ABCA10: variants seen among roughly 807,000 people sequenced by gnomAD.
ABCA10 encodes ATP-binding cassette sub-family A member 10.
Under a neutral mutation model 187.5 loss-of-function variants are expected in ABCA10, and 169 were observed. The observed-to-expected ratio is 0.90, with a 90% CI of 0.80 to 1.02. ABCA10 has a LOEUF of 1.02. ABCA10 is among the 50% of genes least tolerant of loss of function. The probability of loss-of-function intolerance (pLI) is 0.00; values close to 1 mark genes in which losing one functional copy is unlikely to be tolerated. For missense variants in ABCA10, 1,727 were observed against 1,812.4 expected (o/e 0.95, Z 0.86); for synonymous variants, 574 against 601.8 (o/e 0.95, Z 0.68).
At chr17:69,191,724 C>A (rs2074461734) in intron 16 of ABCA10, among the ~76,000 whole-genome samples, 1 of 152,078 alleles carries the variant, frequency 6.6e-6, no homozygotes, top group African/African-American at 2.4e-5. Context: ...ACATAAAAAA[C>A]AATCATGATA....
intron 25 of ABCA10, among the ~76,000 whole-genome samples, chr17:69,173,056 G>A (rs1232700687): frequency 6.6e-6 from 1 of 152,040 alleles, no homozygotes. Context: ...AAACAAAATA[G>A]TTTCAAACTA....
At chr17:69,214,918 A>ATATATAT (rs1483723695) in intron 8 of ABCA10, 67 bp from the exon 9 acceptor site, 25 of 1,154,260 alleles carry the variant, frequency 2.2e-5, no homozygotes, top group South Asian at 1.7e-4. Flanking sequence ...AATTTTTTTT[A>ATATATAT]AAAAATAGTG....
intron 30 of ABCA10, 99 bp downstream of exon 30, chr17:69,154,920 A>T (rs2074161774): frequency 1.0e-5 from 8 of 771,394 alleles, no homozygotes; most frequent in Non-Finnish European, 1.7e-5. Context: ...ACCAGGATAT[A>T]TGAACAGTCT....
chr17:69,216,023 T>C lies in ABCA10; in HGVS notation c.673-23A>G, dbSNP rs200775457. The C allele has an allele frequency of 9.9e-5, 157 of 1,588,028 alleles. No homozygotes were observed. The African/African-American group carries it at 1.7e-3, about 17-fold the overall frequency. On this transcript the variant is annotated intron_variant, in intron 7 of 38. Transcript: ENST00000690296. ...TATCTGAAGGAAGAAAGAGGTCTGA[T>C]TGGTATATTTTTCCTTGAAGATTCA...
rs149974511 is a variant in ABCA10, at chr17:69,239,546, CT to C, written c.-593+4982del. Among the ~76,000 whole-genome samples, 549 of 152,276 alleles carry C rather than the reference CT, an allele frequency of 3.6e-3. 4 individuals are homozygous for C. In the Middle Eastern group the frequency reaches 0.037, roughly 10 times the overall value. ...CCTGCGATCACCCTACAGACACTGCCTTATGCTGCTAGAGGCCGTGCTAAAA... is the reference window on the plus strand; with the variant it reads ...CCTGCGATCACCCTACAGACACTGCCTATGCTGCTAGAGGCCGTGCTAAAA... On this transcript the variant is annotated intron_variant, in intron 1 of 39. Transcript: ENST00000269081.
At chr17:69,219,802 T>A in intron 5 of ABCA10, 31 bp from the exon 6 acceptor site, 1 of 1,412,736 alleles carries the variant, frequency 7.1e-7, no homozygotes, top group East Asian at 2.3e-5. Context: ...ATTTATTATG[T>A]GAACTATAGA....
At chr17:69,217,024 A>AT (rs1319503877) in intron 6 of ABCA10, among the ~76,000 whole-genome samples, 1 of 152,114 alleles carries the variant, frequency 6.6e-6, no homozygotes, top group African/African-American at 2.4e-5. Flanking sequence ...AGGCAGGTGG[A>AT]TTGCCTGAGT....
intron 1 of ABCA10, among the ~76,000 whole-genome samples, chr17:69,238,307 TTC>T (rs1380920121): frequency 6.6e-6 from 1 of 152,088 alleles, no homozygotes; most frequent in Non-Finnish European, 1.5e-5. Context: ...GAGAATAAGC[TTC>T]TGTTTTTTTA....
rs796080863 is a variant in ABCA10 at position 69,153,871 on chromosome 17, T to C, written c.3925A>G (p.Lys1309Glu). 1 of 1,614,114 alleles carries C rather than the reference T, an allele frequency of 6.2e-7. No homozygotes were observed. Among genetic ancestry groups the C allele is most frequent in the Non-Finnish European group, 8.5e-7 (1 of 1,179,970 alleles). ...GCAGCATCTTCTTTGCCCAGTCCTT[T>C]CACAGCTGCATACAACTCCAAGTGC... ...KEHLELYAAV[K>E]GLGKEDAALS... Residue 1309 changes from lysine (K) to glutamate (E), a missense_variant, in exon 32 of 39, where the codon AAA becomes GAA. Transcript: ENST00000690296.
intron 3 of ABCA10, among the ~76,000 whole-genome samples, chr17:69,224,948 T>A (rs1277529803): frequency 6.6e-6 from 1 of 152,114 alleles, no homozygotes; most frequent in East Asian, 1.9e-4. Flanking sequence ...ATTAAATCCT[T>A]AAAATTTTTT....
At chr17:69,159,708 C>G (rs1717560467) in intron 27 of ABCA10, among the ~76,000 whole-genome samples, 1 of 152,042 alleles carries the variant, frequency 6.6e-6, no homozygotes, top group East Asian at 1.9e-4. Context: ...TAAAATCATT[C>G]CCAAGTTGTT....
chr17:69,190,527 A>G, intron 17 of ABCA10, 50 bp from the exon 18 acceptor site: 1 of 1,458,010 alleles, frequency 6.9e-7, no homozygotes, highest in Non-Finnish European at 9.2e-7. Flanking sequence ...ATCAATGAGT[A>G]TATTAAAATA....
rs563310008 is a variant in ABCA10 at position 69,158,330 on chromosome 17, G to A, written c.3364-1407C>T. Reference sequence around the variant, plus strand: ...TATTTCATAACATGGTTGTTTCACCGGAAAATGCAAGATAAGAATCTGAAA... The same window carrying A: ...TATTTCATAACATGGTTGTTTCACCAGAAAATGCAAGATAAGAATCTGAAA... On this transcript the variant is annotated intron_variant, in intron 27 of 38. Coordinates refer to ENST00000690296, the MANE Select transcript of ABCA10 (RefSeq NM_001377321.1). Among the ~76,000 whole-genome samples, 13 of 151,594 alleles carry A rather than the reference G, an allele frequency of 8.6e-5. No individual in the cohort carries two copies. The South Asian group carries it at 2.1e-3, about 24-fold the overall frequency.
chr17:69,164,853 G>A (rs1312194146), intron 26 of ABCA10, 111 bp downstream of exon 26: 1 of 1,291,330 alleles, frequency 7.7e-7, no homozygotes. Flanking sequence ...GAATTTATCA[G>A]CATTGAATAA....
In ABCA10 at chr17:69,221,970, C is replaced by T. The variant is rs865807771; in HGVS notation, c.200-75G>A. 3.5e-6 allele frequency: 4 copies of T among 1,145,438 alleles called. 1 individual carries two copies. In the Middle Eastern group the frequency reaches 6.1e-4, roughly 174 times the overall value. The allele number at this position is 1,145,438 out of a possible 1,614,324, so 71.0% of individuals were successfully genotyped here. ...CCTGGAATTAAAACTTTAACTTTGG[C>T]TCAAAAATCAAAATATCTAAATGTT... On this transcript the variant is annotated intron_variant, in intron 4 of 38. Transcript: ENST00000690296.
Position 69,197,131 on chromosome 17 carries a change from A to T in ABCA10, c.1176-9T>A, listed in dbSNP as rs538457514. On this transcript the variant is annotated splice_polypyrimidine_tract_variant and intron_variant, in intron 10 of 38. Transcript: ENST00000690296. ...TTATAACATTTCTGATTCTGAAAGA[A>T]GATGAAGTAATTTTCATGTAAATGC... 2.2e-5 allele frequency: 34 copies of T among 1,573,386 alleles called. No homozygotes were observed. Among genetic ancestry groups the T allele is most frequent in the Non-Finnish European group, 2.8e-5 (32 of 1,146,566 alleles).
At chr17:69,185,004 T>C in intron 20 of ABCA10, among the ~76,000 whole-genome samples, 1 of 151,958 alleles carries the variant, frequency 6.6e-6, no homozygotes, top group East Asian at 1.9e-4. Flanking sequence ...TGTAGCAACC[T>C]GGATGGAGTT....
chr17:69,152,552 G>A (rs1237245864), intron 34 of ABCA10, 71 bp from the exon 35 acceptor site: 2 of 1,528,374 alleles, frequency 1.3e-6, no homozygotes, highest in African/African-American at 1.4e-5. Context: ...GAAAAAAGCA[G>A]GAAATCTAAA....
At chr17:69,175,978 A>C (rs746465679) in intron 22 of ABCA10, among the ~76,000 whole-genome samples, 4 of 152,156 alleles carry the variant, frequency 2.6e-5, no homozygotes, top group Non-Finnish European at 5.9e-5. Flanking sequence ...ATGCAATTTA[A>C]AACATATGAA....
Sources: allele counts gnomAD v4.1 joint callset (sites outside exome capture counted in the v4.1 genomes callset), GRCh38; gene constraint gnomAD v4.1.1; transcripts MANE v1.5; gene names NCBI Gene and HGNC (gene_info 2026-07-23, HGNC 2026-07-21).